TANGO2: variants seen among roughly 807,000 people sequenced by gnomAD.
TANGO2 encodes transport and Golgi organization protein 2 homolog.
In TANGO2, 26 loss-of-function variants were observed where a neutral mutation model predicts 39.1. The ratio of observed to expected loss-of-function variants is 0.67; its 90% CI spans 0.49 to 0.92. TANGO2 has a LOEUF of 0.92. Ranked by LOEUF, TANGO2 falls within the 40% of genes least tolerant of loss-of-function variation. The pLI is 0.00. For synonymous variants in TANGO2, 131 were observed against 144.5 expected, an observed-to-expected ratio of 0.91 and a Z score of 0.67; for missense variants, 326 against 360.1, an observed-to-expected ratio of 0.91 and a Z score of 0.77.
chr22:20,022,479 C>T (rs1039186816), intron 1 of TANGO2, among the ~76,000 whole-genome samples: 1 of 152,234 alleles, frequency 6.6e-6, no homozygotes, highest in Non-Finnish European at 1.5e-5. Context: ...TGCATGTCCT[C>T]AGACTGCAGG....
rs773597688 is a variant in TANGO2, at chr22:20,056,190, C to G, written c.451+177C>G. 21 of 704,766 alleles carry G rather than the reference C, an allele frequency of 3.0e-5. No individual in the cohort carries two copies. The South Asian group carries it at 3.1e-4, about 11-fold the overall frequency. 43.7% of individuals were successfully genotyped at this position (704,766 alleles called of 1,614,324 possible). ...CTGCACCTGGACACTTCAGAGAGCC[C>G]TGGCTCCCTGCTCACCCCCTCCCCA... On this transcript the variant is annotated intron_variant, in intron 6 of 8. Coordinates refer to ENST00000327374, the MANE Select transcript of TANGO2 (RefSeq NM_152906.7).
intron 8 of TANGO2, 176 bp downstream of exon 8, chr22:20,063,618 T>C (rs973834156): frequency 4.8e-6 from 3 of 619,678 alleles, no homozygotes; most frequent in African/African-American, 1.9e-5. Flanking sequence ...TACCACAGGC[T>C]CCCGGGGCCC....
chr22:20,055,331 C>G (rs1326820404), intron 5 of TANGO2: 1 of 155,090 alleles, frequency 6.4e-6, no homozygotes, highest in Non-Finnish European at 1.4e-5. Context: ...TGCTATGTTG[C>G]CCAGTCTGGT....
chr22:20,037,338 C>T (rs1402734552), intron 2 of TANGO2, among the ~76,000 whole-genome samples: 1 of 152,090 alleles, frequency 6.6e-6, no homozygotes, highest in African/African-American at 2.4e-5. Flanking sequence ...GTCAGGAAAT[C>T]GAGGCCAGAA....
intron 6 of TANGO2, among the ~76,000 whole-genome samples, chr22:20,059,526 T>C (rs920492953): frequency 1.3e-5 from 2 of 152,250 alleles, no homozygotes; most frequent in African/African-American, 4.8e-5. Flanking sequence ...GCAGCTTCTC[T>C]GAATCCTCAC....
intron 1 of TANGO2, among the ~76,000 whole-genome samples, 171 bp from the exon 2 acceptor site, chr22:20,036,589 G>A: frequency 6.6e-6 from 1 of 152,166 alleles, no homozygotes; most frequent in South Asian, 2.1e-4. Context: ...GCATGGGTTT[G>A]GGAGTTGTTT....
At chr22:20,060,297 C>T (rs1007208736) in intron 6 of TANGO2, among the ~76,000 whole-genome samples, 9 of 141,646 alleles carry the variant, frequency 6.4e-5, no homozygotes, top group African/African-American at 1.9e-4. Context: ...TGCAGTGAGC[C>T]GAGATTGCGC....
At chr22:20,030,701 G>A (rs1345091773) in intron 1 of TANGO2, among the ~76,000 whole-genome samples, 1 of 151,888 alleles carries the variant, frequency 6.6e-6, no homozygotes, top group Non-Finnish European at 1.5e-5. Context: ...CTGACCTCAG[G>A]TGATCCACCC....
At chr22:20,060,979 A>C (rs770705046) in intron 6 of TANGO2, among the ~76,000 whole-genome samples, 1 of 151,998 alleles carries the variant, frequency 6.6e-6, no homozygotes, top group Non-Finnish European at 1.5e-5. Flanking sequence ...GCTTGTTCAG[A>C]GTCTGTGCAG....
At chr22:20,045,580 C>T (rs2045010631) in intron 3 of TANGO2, among the ~76,000 whole-genome samples, 1 of 149,756 alleles carries the variant, frequency 6.7e-6, no homozygotes, top group Non-Finnish European at 1.5e-5. Context: ...CTCAGCTCAC[C>T]GCAACCTCCA....
At chr22:20,046,541 T>C (rs1326351170) in intron 3 of TANGO2, among the ~76,000 whole-genome samples, 1 of 149,896 alleles carries the variant, frequency 6.7e-6, no homozygotes, top group African/African-American at 2.5e-5. Context: ...CTTGGCTCAC[T>C]GCAACCTCCA....
At chr22:20,037,172 G>A in intron 2 of TANGO2, 1 of 1,450,108 alleles carries the variant, frequency 6.9e-7, no homozygotes, top group Non-Finnish European at 9.2e-7. Flanking sequence ...GCAGAACTGG[G>A]ACAACGGCGT....
At chr22:20,051,679 TTGTC>T (rs1384184685) in intron 3 of TANGO2, among the ~76,000 whole-genome samples, 2 of 151,900 alleles carry the variant, frequency 1.3e-5, no homozygotes, top group Admixed American at 6.6e-5. Context: ...CAGCAAAACT[TTGTC>T]TGTACAAAAA....
chr22:20,038,158 C>T (rs1376831925), intron 2 of TANGO2, among the ~76,000 whole-genome samples: 2 of 152,178 alleles, frequency 1.3e-5, no homozygotes. Flanking sequence ...GACTCAGATA[C>T]GCACAGGGGA....
chr22:20,063,204 A>G, intron 7 of TANGO2, 134 bp from the exon 8 acceptor site: 3 of 651,300 alleles, frequency 4.6e-6, no homozygotes, highest in Non-Finnish European at 8.1e-6. Flanking sequence ...AAAAGAAAAG[A>G]AGAAAAGAAA....
upstream of TANGO2, among the ~76,000 whole-genome samples, chr22:20,019,982 G>A (rs1601741659): frequency 3.3e-5 from 5 of 152,250 alleles, no homozygotes; most frequent in Admixed American, 3.3e-4. Context: ...GGGCCCGCAT[G>A]TAGGTCCAGG....
In TANGO2 at chr22:20,052,642, G is replaced by C. The variant is rs981141693; in HGVS notation, c.265+58G>C. On this transcript the variant is annotated intron_variant, in intron 4 of 8. Coordinates refer to ENST00000327374, the MANE Select transcript of TANGO2 (RefSeq NM_152906.7). The stretch of plus-strand genomic sequence containing the variant: ...AGGGTGGGGTGGGGCAGGCCTAGGT[G>C]AGACAAGGTGGGGCCAAGGGACTAC... The C allele has an allele frequency of 2.5e-5, 39 of 1,536,052 alleles. No homozygotes were observed. The South Asian group carries it at 4.5e-4, about 18-fold the overall frequency.
chr22:20,062,013 A>G (rs922846971), intron 7 of TANGO2, among the ~76,000 whole-genome samples: 4 of 152,222 alleles, frequency 2.6e-5, no homozygotes, highest in Non-Finnish European at 1.5e-5. Flanking sequence ...GGGAAGTTCC[A>G]GAAGATTCTA....
Position 20,057,859 on chromosome 22 carries a change from G to A in TANGO2, c.451+1846G>A, listed in dbSNP as rs1181627691. Among the ~76,000 whole-genome samples the A allele has an allele frequency of 6.6e-6, 1 of 152,122 alleles. No homozygotes were observed. Among genetic ancestry groups the A allele is most frequent in the Admixed American group, 6.5e-5 (1 of 15,270 alleles). The stretch of plus-strand genomic sequence containing the variant: ...CCCTCACTGTGAACATTGGCCCAGC[G>A]GCCTCTGGGGCAGTCGCTGTAACCA... On this transcript the variant is annotated intron_variant, in intron 6 of 8. Coordinates refer to ENST00000327374, the MANE Select transcript of TANGO2 (RefSeq NM_152906.7). This position sits in a 1 kb window ranked among gnomAD's most constrained non-coding sequence, Gnocchi z 4.1.
Sources: allele counts gnomAD v4.1 joint callset (sites outside exome capture counted in the v4.1 genomes callset), GRCh38; gene constraint gnomAD v4.1.1; non-coding constraint Gnocchi (gnomAD v3.1); transcripts MANE v1.5; gene names NCBI Gene and HGNC (gene_info 2026-07-23, HGNC 2026-07-21).